YPEL1: variants seen among roughly 807,000 people sequenced by gnomAD.
The protein encoded by YPEL1 is yippee like 1.
Under a neutral mutation model 17.3 loss-of-function variants are expected in YPEL1, and 7 were observed. That is an observed-to-expected ratio of 0.40 (90% CI 0.23 to 0.76). The LOEUF (loss-of-function observed/expected upper bound fraction) is 0.76, where lower values mean the gene tolerates loss of function less well. Among genes scored for constraint, YPEL1 ranks in the 30% least tolerant of loss-of-function variants. The pLI, the probability that YPEL1 is intolerant of heterozygous loss-of-function variation, is 0.35. For synonymous variants in YPEL1, 59 were observed against 59.6 expected (o/e 0.99, Z 0.05); for missense variants, 91 against 155.5 (o/e 0.59, Z 2.21).
chr22:21,715,214 G>T (rs2068209523), intron 1 of YPEL1, among the ~76,000 whole-genome samples: 1 of 152,148 alleles, frequency 6.6e-6, no homozygotes, highest in Non-Finnish European at 1.5e-5. Flanking sequence ...AACTATTAAG[G>T]CTGGGTGTGG....
intron 1 of YPEL1, among the ~76,000 whole-genome samples, chr22:21,732,497 G>A (rs2068397543): frequency 6.6e-6 from 1 of 152,072 alleles, no homozygotes. Context: ...AAACTACAGG[G>A]TTGGCCAGGC....
chr22:21,701,064 G>A lies in YPEL1; in HGVS notation c.*65C>T, dbSNP rs533863529. ...AAAGGCTGTCACCAGATGCTCCTAC[G>A]TTTCCATTACATTCACAGTTTCTTT... is the stretch of plus-strand genomic sequence containing the variant. On this transcript the variant is annotated 3_prime_UTR_variant, in exon 5 of 5. Coordinates refer to ENST00000339468, the MANE Select transcript of YPEL1 (RefSeq NM_013313.5). 180 of 1,457,004 alleles carry A rather than the reference G, an allele frequency of 1.2e-4. 1 individual carries two copies. In the African/African-American group the frequency reaches 2.2e-3, roughly 17 times the overall value. 90.3% of individuals were successfully genotyped at this position (1,457,004 alleles called of 1,614,324 possible).
At chr22:21,732,114 C>G (rs1257621668) in intron 1 of YPEL1, among the ~76,000 whole-genome samples, 3 of 152,240 alleles carry the variant, frequency 2.0e-5, no homozygotes, top group Non-Finnish European at 4.4e-5. Context: ...TTACTCTCAC[C>G]TGCCAACAGG....
At position 21,710,739 on chromosome 22, in the gene YPEL1, C is replaced by T. The variant is rs761365044; in HGVS notation, c.6G>A (p.Val2=). 2.5e-6 allele frequency: 4 copies of T among 1,613,938 alleles called. No individual in the cohort carries two copies. Among genetic ancestry groups the T allele is most frequent in the East Asian group, 2.2e-5 (1 of 44,894 alleles). The stretch of plus-strand genomic sequence containing the variant: ...GGAAAGTTTTGGACTTTGTCATTTT[C>T]ACCATCTCTCCTGGGCACTCCTCAC... The part of the protein sequence containing the change: M[V]KMTKSKTFQA... The change falls in exon 2 of 5, where the codon GTG becomes GTA. Residue 2 remains valine (V), a synonymous_variant. Transcript: ENST00000339468.
intron 1 of YPEL1, among the ~76,000 whole-genome samples, chr22:21,731,556 A>C (rs5749744): frequency 1.3e-5 from 2 of 151,226 alleles, no homozygotes; most frequent in Admixed American, 1.3e-4. Context: ...AAAAAAAAAA[A>C]CAGATACACA....
At chr22:21,722,116 G>A (rs8135758) in intron 1 of YPEL1, among the ~76,000 whole-genome samples, 20,260 of 152,160 alleles carry the variant, frequency 0.13, 1,692 homozygotes, top group Middle Eastern at 0.19. Flanking sequence ...TACAGGGAAA[G>A]CACTTCAAAA....
At position 21,710,581 on chromosome 22, in the gene YPEL1, T is replaced by G. The variant is rs922473692; in HGVS notation, c.117+47A>C. ...TTCTTCCACTATGTAGGTACCACAATGACAGATAATCATTGTGCCATCAAT... is the reference window on the plus strand; with the variant it reads ...TTCTTCCACTATGTAGGTACCACAAGGACAGATAATCATTGTGCCATCAAT... On this transcript the variant is annotated intron_variant, in intron 2 of 4. Transcript: ENST00000339468. The G allele has an allele frequency of 8.9e-6, 13 of 1,462,114 alleles. No homozygotes were observed. In the South Asian group the frequency reaches 1.4e-4, roughly 15 times the overall value. The allele number at this position is 1,462,114 out of a possible 1,614,324, so 90.6% of individuals were successfully genotyped here. A position where few individuals can be genotyped will look rare whatever the true frequency, so the allele number is the denominator to read the frequency against.
At chr22:21,724,335 G>C (rs2068311654) in intron 1 of YPEL1, among the ~76,000 whole-genome samples, 1 of 152,128 alleles carries the variant, frequency 6.6e-6, no homozygotes, top group Admixed American at 6.5e-5. Flanking sequence ...TCAGGAGTTT[G>C]AGACCGGCCT....
At chr22:21,713,665 C>CA (rs778442541) in intron 1 of YPEL1, among the ~76,000 whole-genome samples, 8 of 152,050 alleles carry the variant, frequency 5.3e-5, no homozygotes, top group Non-Finnish European at 4.4e-5. Context: ...GATGGCTGTA[C>CA]AAAAATGTGA....
intron 4 of YPEL1, among the ~76,000 whole-genome samples, chr22:21,701,980 G>A (rs1294087669): frequency 6.6e-6 from 1 of 152,236 alleles, no homozygotes; most frequent in East Asian, 1.9e-4. Flanking sequence ...CAGCCCAGAA[G>A]GTCAAAGCTG....
At chr22:21,731,956 G>C (rs1286824040) in intron 1 of YPEL1, among the ~76,000 whole-genome samples, 1 of 152,208 alleles carries the variant, frequency 6.6e-6, no homozygotes, top group Non-Finnish European at 1.5e-5. Flanking sequence ...CAGGGGCTCA[G>C]CAAGCACCTC....
At chr22:21,712,379 A>AC (rs1012732900) in intron 1 of YPEL1, among the ~76,000 whole-genome samples, 4 of 151,164 alleles carry the variant, frequency 2.6e-5, no homozygotes, top group South Asian at 2.1e-4. Flanking sequence ...AAAAAAAAAA[A>AC]AAAAAACAAC....
chr22:21,721,377 C>T (rs1005415704), intron 1 of YPEL1, among the ~76,000 whole-genome samples: 1 of 151,966 alleles, frequency 6.6e-6, no homozygotes, highest in Non-Finnish European at 1.5e-5. Flanking sequence ...CGCAGCCTCC[C>T]AAAGTGCTGA....
intron 4 of YPEL1, among the ~76,000 whole-genome samples, chr22:21,702,950 G>A (rs1273678042): frequency 6.6e-6 from 1 of 152,120 alleles, no homozygotes; most frequent in Admixed American, 6.5e-5. Context: ...AGCTCATGGG[G>A]CAGCTCTCTG....
At chr22:21,724,106 G>A (rs1427322390) in intron 1 of YPEL1, among the ~76,000 whole-genome samples, 2 of 152,156 alleles carry the variant, frequency 1.3e-5, no homozygotes, top group African/African-American at 2.4e-5. Context: ...TCCCATCCCA[G>A]AGCCCCAGTC....
chr22:21,700,080 A>G lies in YPEL1; in HGVS notation c.*1049T>C, dbSNP rs1306173886. On this transcript the variant is annotated 3_prime_UTR_variant, in exon 5 of 5. Transcript: ENST00000339468. ...GCCTCTGTTTTTGAACAAGCTAAAA[A>G]CCAAAAATGCCCTTAGTGTATAAGT... 1 of 152,360 alleles carries G rather than the reference A, an allele frequency of 6.6e-6. No homozygotes were observed. 9.4% of individuals were successfully genotyped at this position (152,360 alleles called of 1,614,324 possible).
At chr22:21,713,270 C>T (rs973615723) in intron 1 of YPEL1, among the ~76,000 whole-genome samples, 6 of 152,102 alleles carry the variant, frequency 3.9e-5, no homozygotes, top group African/African-American at 1.4e-4. Context: ...GGTATAAATC[C>T]ACGAGAACTG....
chr22:21,730,748 T>A (rs1423509621), intron 1 of YPEL1, among the ~76,000 whole-genome samples: 2 of 152,158 alleles, frequency 1.3e-5, no homozygotes, highest in Non-Finnish European at 2.9e-5. Flanking sequence ...ACTGACAGCA[T>A]CAAACCACCT....
intron 1 of YPEL1, among the ~76,000 whole-genome samples, chr22:21,712,456 G>A (rs1397339487): frequency 6.7e-6 from 1 of 150,236 alleles, no homozygotes; most frequent in African/African-American, 2.4e-5. Flanking sequence ...GCCCGGCGTG[G>A]TGGCTCACGC....
Sources: gnomAD v4.1 joint callset for allele counts (sites outside exome capture counted in the v4.1 genomes callset) on GRCh38, gnomAD v4.1.1 for gene constraint, MANE v1.5 for transcripts, NCBI Gene and HGNC (gene_info 2026-07-23, HGNC 2026-07-21) for gene names.